Variants in STPG4 observed in about 807,000 individuals in gnomAD.
STPG4 encodes sperm-tail PG-rich repeat containing 4.
In STPG4, 41 loss-of-function variants were observed where a neutral mutation model predicts 31.5. The ratio of observed to expected loss-of-function variants is 1.30; its 90% CI spans 1.01 to 1.69. STPG4 has a LOEUF of 1.69. Ranked by LOEUF, STPG4 falls within the 40% of genes most tolerant of loss-of-function variation. STPG4 has a pLI of 0.00. For synonymous variants in STPG4, 141 were observed against 103.0 expected, an observed-to-expected ratio of 1.37 and a Z score of -2.24; for missense variants, 375 against 293.4, an observed-to-expected ratio of 1.28 and a Z score of -2.03.
intron 3 of STPG4, among the ~76,000 whole-genome samples, chr2:47,145,837 T>C (rs902578322): frequency 2.0e-5 from 3 of 152,138 alleles, no homozygotes; most frequent in Non-Finnish European, 4.4e-5. Flanking sequence ...TGCAAGTAAA[T>C]TATATAGTAC....
Position 47,121,183 on chromosome 2 carries a change from T to A in STPG4, c.519+8758A>T, listed in dbSNP as rs911503683. On this transcript the variant is annotated intron_variant, in intron 5 of 6. Coordinates refer to ENST00000445927, the MANE Select transcript of STPG4 (RefSeq NM_001163561.2). Reference sequence around the variant, plus strand: ...AAGCAGAAGGTCTGGTTGAATATTTTTACTTCAGGTCCGTCTCCCCTCACC... The same window carrying A: ...AAGCAGAAGGTCTGGTTGAATATTTATACTTCAGGTCCGTCTCCCCTCACC... 7.1e-5 allele frequency: 11 copies of A among 154,402 alleles called. No individual in the cohort carries two copies. In the East Asian group the frequency reaches 2.1e-3, roughly 30 times the overall value. The allele number at this position is 154,402 out of a possible 1,614,324, so 9.6% of individuals were successfully genotyped here. A position where few individuals can be genotyped will look rare whatever the true frequency, so the allele number is the denominator to read the frequency against.
At chr2:47,107,616 T>G (rs1381267391) in intron 5 of STPG4, among the ~76,000 whole-genome samples, 1 of 152,112 alleles carries the variant, frequency 6.6e-6, no homozygotes, top group Non-Finnish European at 1.5e-5. Context: ...TGCCGCCCCC[T>G]GCTCCATGGC....
intron 6 of STPG4, among the ~76,000 whole-genome samples, chr2:47,088,139 G>A (rs977935146): frequency 2.6e-5 from 4 of 151,880 alleles, no homozygotes; most frequent in African/African-American, 9.7e-5. Flanking sequence ...GAGTGCAGTG[G>A]CAGGACCTCA....
At position 47,144,877 on chromosome 2, in the gene STPG4, C is replaced by T. The variant is rs1191975280; in HGVS notation, c.399+6381G>A. On this transcript the variant is annotated intron_variant, in intron 3 of 6. Coordinates refer to ENST00000445927, the MANE Select transcript of STPG4 (RefSeq NM_001163561.2). ...TCCCAAGTAGCTGGGACTACAGGTG[C>T]GTGCCACCATGCCTGGCTAATTTTT... Among the ~76,000 whole-genome samples the T allele has an allele frequency of 7.2e-5, 11 of 152,228 alleles. No individual in the cohort carries two copies. In the East Asian group the frequency reaches 1.5e-3, roughly 21 times the overall value.
intron 3 of STPG4, among the ~76,000 whole-genome samples, chr2:47,134,692 T>C (rs1361378912): frequency 6.6e-6 from 1 of 152,222 alleles, no homozygotes; most frequent in Admixed American, 6.5e-5. Flanking sequence ...TGGGTGGGTG[T>C]AAGCTTTCAA....
intron 5 of STPG4, among the ~76,000 whole-genome samples, chr2:47,122,957 C>A (rs7597674): frequency 0.11 from 17,191 of 152,070 alleles, 1,037 homozygotes; most frequent in Non-Finnish European, 0.12. Flanking sequence ...TCCTGAGTAG[C>A]TGGGATTACA....
intron 5 of STPG4, chr2:47,120,873 C>T (rs1686259280): frequency 6.6e-6 from 1 of 152,060 alleles, no homozygotes; most frequent in Non-Finnish European, 1.5e-5. Context: ...AGAGGGGGTT[C>T]CTGTTCTATC....
intron 5 of STPG4, among the ~76,000 whole-genome samples, chr2:47,096,273 CAG>C (rs1321656442): frequency 6.6e-6 from 1 of 152,120 alleles, no homozygotes; most frequent in African/African-American, 2.4e-5. Flanking sequence ...GAGAGCACCT[CAG>C]AGAGTAAACC....
chr2:47,137,453 T>G (rs1686618687), intron 3 of STPG4, among the ~76,000 whole-genome samples: 1 of 152,170 alleles, frequency 6.6e-6, no homozygotes, highest in African/African-American at 2.4e-5. Context: ...TTTTGTAATG[T>G]CTTTGTCTGG....
intron 5 of STPG4, among the ~76,000 whole-genome samples, chr2:47,122,977 C>T (rs1686304033): frequency 6.6e-6 from 1 of 152,102 alleles, no homozygotes; most frequent in South Asian, 2.1e-4. Flanking sequence ...AGGCGCATGC[C>T]ACCACGCCCA....
Position 47,129,791 on chromosome 2 carries a change from CTTGTGTGGATAA to C in STPG4, c.519+138_519+149del, listed in dbSNP as rs564130934. 42 of 966,618 alleles carry C rather than the reference CTTGTGTGGATAA, an allele frequency of 4.3e-5. No individual in the cohort carries two copies. The East Asian group carries it at 4.8e-4, about 11-fold the overall frequency. 59.9% of individuals were successfully genotyped at this position (966,618 alleles called of 1,614,324 possible). On this transcript the variant is annotated intron_variant, in intron 5 of 6. Transcript: ENST00000445927. ...TTTTTGGTTCTTACAGAGGTGTTTT[CTTGTGTGGATAA>C]TTGTGTGGATAATGGTGTTCCTGCT... is the stretch of plus-strand genomic sequence containing the variant.
At chr2:47,094,795 G>A (rs1412085953) in intron 5 of STPG4, among the ~76,000 whole-genome samples, 1 of 152,218 alleles carries the variant, frequency 6.6e-6, no homozygotes, top group Middle Eastern at 3.2e-3. Flanking sequence ...GACTTTCCTG[G>A]AGAGCTCCTA....
chr2:47,104,856 C>T lies in STPG4; in HGVS notation c.520-14482G>A, dbSNP rs1021756402. Among the ~76,000 whole-genome samples the T allele has an allele frequency of 3.9e-5, 6 of 151,964 alleles. 1 individual carries two copies. The highest frequency in any genetic ancestry group is 1.5e-4 in the African/African-American group (6 of 41,246). On this transcript the variant is annotated intron_variant, in intron 5 of 6. Coordinates refer to ENST00000445927, the MANE Select transcript of STPG4 (RefSeq NM_001163561.2). ...GCCTACAGCAGGTCAAATATCTAGGCCGAATCTTAGCCAGAGGGGCCAGGG... is the reference window on the plus strand; with the variant it reads ...GCCTACAGCAGGTCAAATATCTAGGTCGAATCTTAGCCAGAGGGGCCAGGG...
At chr2:47,154,270 CTTCT>C (rs1203625359) in intron 1 of STPG4, among the ~76,000 whole-genome samples, 1 of 152,174 alleles carries the variant, frequency 6.6e-6, no homozygotes, top group Non-Finnish European at 1.5e-5. Flanking sequence ...AGCTGAGCTT[CTTCT>C]TTGATACTTC....
At chr2:47,141,801 C>T in intron 3 of STPG4, among the ~76,000 whole-genome samples, 1 of 151,594 alleles carries the variant, frequency 6.6e-6, no homozygotes, top group Non-Finnish European at 1.5e-5. Flanking sequence ...CAGATCACTG[C>T]TGTTGTTTGT....
chr2:47,121,785 A>C (rs556061029), intron 5 of STPG4, among the ~76,000 whole-genome samples: 19 of 151,516 alleles, frequency 1.3e-4, no homozygotes, highest in South Asian at 4.2e-4. Flanking sequence ...GGCTGCCAGC[A>C]TTTCTTGACT....
rs753468462 is a variant in STPG4, at chr2:47,155,205, T to A, written c.47A>T (p.Asp16Val). The A allele has an allele frequency of 8.1e-6, 13 of 1,614,144 alleles. No homozygotes were observed. Among genetic ancestry groups the A allele is most frequent in the Non-Finnish European group, 1.0e-5 (12 of 1,180,012 alleles). The change falls in exon 1 of 7, where the codon GAC (aspartate) becomes GTC (valine). Residue 16 changes from aspartate (D) to valine (V), a missense_variant. Coordinates refer to ENST00000445927, the MANE Select transcript of STPG4 (RefSeq NM_001163561.2). ...GATGAATGATTCTCCACCCACCAGGTCTTCCCTTATTGAGGTGGAAGCGGT... is the reference window on the plus strand; with the variant it reads ...GATGAATGATTCTCCACCCACCAGGACTTCCCTTATTGAGGTGGAAGCGGT... ...VATASTSIRE[D>V]LVGGESFITA... is the part of the protein sequence containing the mutation.
At position 47,089,602 on chromosome 2, in the gene STPG4, A is replaced by ACG. The variant is rs1558667349; in HGVS notation, c.624+667_624+668insCG. ...CAAGTCTTGGGGACTTTCAGACCGT[A>ACG]TTGCAGACTGAAAGCAACAAAGCTA... On this transcript the variant is annotated intron_variant, in intron 6 of 6. Coordinates refer to ENST00000445927, the MANE Select transcript of STPG4 (RefSeq NM_001163561.2). 1.5e-4 allele frequency among the ~76,000 whole-genome samples: 23 copies of ACG among 151,724 alleles called. No individual in the cohort carries two copies. The South Asian group carries it at 1.7e-3, about 11-fold the overall frequency.
chr2:47,122,923 T>C (rs1686302785), intron 5 of STPG4, among the ~76,000 whole-genome samples: 1 of 152,172 alleles, frequency 6.6e-6, no homozygotes, highest in Non-Finnish European at 1.5e-5. Context: ...CCTCCCGGAT[T>C]CAAGCCATTC....
Sources: allele counts gnomAD v4.1 joint callset (sites outside exome capture counted in the v4.1 genomes callset), GRCh38; gene constraint gnomAD v4.1.1; transcripts MANE v1.5; gene names NCBI Gene and HGNC (gene_info 2026-07-23, HGNC 2026-07-21).